RBM23: variants seen among roughly 807,000 people sequenced by gnomAD.
RBM23 encodes the protein RNA binding motif protein 23, also known as probable RNA-binding protein 23.
In RBM23, 53 loss-of-function variants were observed where a neutral mutation model predicts 56.2. The observed-to-expected ratio is 0.94, with a 90% confidence interval of 0.76 to 1.19. RBM23 has a LOEUF of 1.19. RBM23 is among the 50% of genes most tolerant of loss of function. RBM23 has a pLI of 0.00. For synonymous variants in RBM23, 197 were observed against 198.5 expected, an observed-to-expected ratio of 0.99 and a Z score of 0.06; for missense variants, 642 against 590.3, an observed-to-expected ratio of 1.09 and a Z score of -0.91.
intron 1 of RBM23, chr14:22,917,911 G>A (rs2043840436): frequency 6.6e-6 from 1 of 152,272 alleles, no homozygotes; most frequent in African/African-American, 2.4e-5. Context: ...GAGAACCACT[G>A]TCAGACCAAT....
At chr14:22,911,853 G>A in intron 1 of RBM23, 1 of 153,596 alleles carries the variant, frequency 6.5e-6, no homozygotes, top group Non-Finnish European at 1.5e-5. Context: ...GGAGGTTGCA[G>A]TGAGCCAAGA....
chr14:22,901,309 A>G lies in RBM23; in HGVS notation c.*421T>C, dbSNP rs577104837. ...CCCACAAACTCAGTCCTCTTGATTC[A>G]GAGGTCCTAAGGGTTTTCCTTGACA... On this transcript the variant is annotated 3_prime_UTR_variant, in exon 14 of 14. Transcript: ENST00000359890. 33 of 192,914 alleles carry G rather than the reference A, an allele frequency of 1.7e-4. No individual in the cohort carries two copies. The highest frequency in any genetic ancestry group is 3.1e-4 in the Non-Finnish European group (29 of 93,670). 12.0% of individuals were successfully genotyped at this position (192,914 alleles called of 1,614,324 possible).
At chr14:22,904,790 C>A in intron 9 of RBM23, 85 bp downstream of exon 9, 1 of 1,573,276 alleles carries the variant, frequency 6.4e-7, no homozygotes, top group African/African-American at 1.4e-5. Context: ...TAATCACGGC[C>A]AGGCACAACA....
intron 10 of RBM23, chr14:22,903,554 G>C: frequency 1.0e-6 from 1 of 986,954 alleles, no homozygotes; most frequent in Non-Finnish European, 1.2e-6. Context: ...ATATTTTTGA[G>C]GTGAGCAATT....
intron 1 of RBM23, among the ~76,000 whole-genome samples, chr14:22,912,289 C>T (rs1010667963): frequency 1.3e-5 from 2 of 152,178 alleles, no homozygotes; most frequent in East Asian, 1.9e-4. Context: ...TTTGCCCTAA[C>T]GTCTTCCTCT....
At position 22,896,664 on chromosome 14, in the gene RBM23, G is replaced by A. The variant is rs1182793046; in HGVS notation, c.*5066C>T. On this transcript the variant is annotated 3_prime_UTR_variant, in exon 14 of 14. Coordinates refer to ENST00000359890, the MANE Select transcript of RBM23 (RefSeq NM_001077351.2). The stretch of plus-strand genomic sequence containing the variant: ...CAGCCAACTCCTTAAGGGCTCTTGA[G>A]AGCAGATCATCTGAACAACTAATAG... The A allele has an allele frequency of 6.6e-6, 1 of 152,160 alleles. No individual in the cohort carries two copies. Among genetic ancestry groups the A allele is most frequent in the Non-Finnish European group, 1.5e-5 (1 of 68,036 alleles). The allele number at this position is 152,160 out of a possible 1,614,324, so 9.4% of individuals were successfully genotyped here. A position where few individuals can be genotyped will look rare whatever the true frequency, so the allele number is the denominator to read the frequency against.
In RBM23 at chr14:22,905,074, C is replaced by G; in HGVS notation, c.726+20G>C. The stretch of plus-strand genomic sequence containing the variant: ...TCCCTCTCCCCTTAAAATCTTATGT[C>G]TGTTTCTCAGCCTGCTCACCTGTGA... On this transcript the variant is annotated intron_variant, in intron 8 of 13. Transcript: ENST00000359890. The G allele has an allele frequency of 6.2e-7, 1 of 1,613,960 alleles. No individual in the cohort carries two copies. Among genetic ancestry groups the G allele is most frequent in the Non-Finnish European group, 8.5e-7 (1 of 1,179,860 alleles).
chr14:22,918,105 G>C (rs1409835348), intron 1 of RBM23, among the ~76,000 whole-genome samples: 2 of 152,108 alleles, frequency 1.3e-5, no homozygotes, highest in African/African-American at 4.8e-5. Flanking sequence ...TTAAAAAATG[G>C]TCCTATAGGC....
In RBM23 at chr14:22,906,296, G is replaced by C. The variant is rs1183778806; in HGVS notation, c.300C>G (p.His100Gln). ...RSRSPGRQCR[H>Q]RSRSWDRRHG... Reference sequence around the variant, plus strand: ...GTCGACGATCCCAGCTACGGCTACGGTGACGACACTGCCGACCTGGACTTC... The same window carrying C: ...GTCGACGATCCCAGCTACGGCTACGCTGACGACACTGCCGACCTGGACTTC... The change falls in exon 5 of 14, where the codon CAC (histidine) becomes CAG (glutamine). Residue 100 changes from histidine to glutamine, a missense_variant. His to Gln is a conservative substitution (Grantham distance 24, BLOSUM62 0). Coordinates refer to ENST00000359890, the MANE Select transcript of RBM23 (RefSeq NM_001077351.2). 1 of 1,614,214 alleles carries C rather than the reference G, an allele frequency of 6.2e-7. No individual in the cohort carries two copies. Among genetic ancestry groups the C allele is most frequent in the Non-Finnish European group, 8.5e-7 (1 of 1,180,040 alleles).
chr14:22,907,913 C>A lies in RBM23; in HGVS notation c.227+420G>T, dbSNP rs554186242. On this transcript the variant is annotated intron_variant, in intron 4 of 13. Coordinates refer to ENST00000359890, the MANE Select transcript of RBM23 (RefSeq NM_001077351.2). ...ACAATAATGTTTAAAAAGTAAAAGA[C>A]AAAAAAATTTAAAAATAGAAAAAAG... 2.0e-5 allele frequency among the ~76,000 whole-genome samples: 3 copies of A among 151,460 alleles called. No homozygotes were observed. In the East Asian group the frequency reaches 5.8e-4, roughly 29 times the overall value.
At chr14:22,910,479 A>G (rs1197829642) in intron 2 of RBM23, among the ~76,000 whole-genome samples, 2 of 139,198 alleles carry the variant, frequency 1.4e-5, no homozygotes, top group African/African-American at 2.6e-5. Context: ...AAAAAAAGAA[A>G]GGAAAAAAGA....
At chr14:22,909,188 C>A (rs1259083046) in intron 3 of RBM23, among the ~76,000 whole-genome samples, 1 of 152,112 alleles carries the variant, frequency 6.6e-6, no homozygotes, top group Non-Finnish European at 1.5e-5. Flanking sequence ...GGTGATCCAC[C>A]CACCTCGGCC....
At chr14:22,908,015 T>C (rs1168600071) in intron 4 of RBM23, among the ~76,000 whole-genome samples, 1 of 152,126 alleles carries the variant, frequency 6.6e-6, no homozygotes, top group African/African-American at 2.4e-5. Context: ...GTTTCAATTT[T>C]TTATTTTTAT....
At position 22,898,029 on chromosome 14, in the gene RBM23, G is replaced by C. The variant is rs1219877624; in HGVS notation, c.*3701C>G. Reference sequence around the variant, plus strand: ...TCACCTTTCAGAGTCTCTTTTCACTGTCCAAGTGTTGCTGCCTGATTTTCA... The same window carrying C: ...TCACCTTTCAGAGTCTCTTTTCACTCTCCAAGTGTTGCTGCCTGATTTTCA... On this transcript the variant is annotated 3_prime_UTR_variant, in exon 14 of 14. Coordinates refer to ENST00000359890, the MANE Select transcript of RBM23 (RefSeq NM_001077351.2). 6.6e-6 allele frequency: 1 copy of C among 152,202 alleles called. No individual in the cohort carries two copies. Among genetic ancestry groups the C allele is most frequent in the Non-Finnish European group, 1.5e-5 (1 of 68,044 alleles). The allele number at this position is 152,202 out of a possible 1,614,324, so 9.4% of individuals were successfully genotyped here.
In RBM23 at chr14:22,901,697, A is replaced by G. The variant is rs756965431; in HGVS notation, c.*33T>C. ...GTAGATGTGAAGTGGCAGGATCCAG[A>G]GGCACAAGGAGGCAGTATACTGTGC... On this transcript the variant is annotated 3_prime_UTR_variant, in exon 14 of 14. Coordinates refer to ENST00000359890, the MANE Select transcript of RBM23 (RefSeq NM_001077351.2). The G allele has an allele frequency of 1.9e-6, 3 of 1,608,488 alleles. No homozygotes were observed. Among genetic ancestry groups the G allele is most frequent in the Admixed American group, 3.3e-5 (2 of 59,986 alleles).
In RBM23 at chr14:22,902,265, T is replaced by C. The variant is rs760928699; in HGVS notation, c.1048A>G (p.Thr350Ala). 16 of 1,614,168 alleles carry C rather than the reference T, an allele frequency of 9.9e-6. No homozygotes were observed. The highest frequency in any genetic ancestry group is 1.4e-5 in the Non-Finnish European group (16 of 1,180,026). Residue 350 changes from threonine to alanine, a missense_variant, in exon 11 of 14, where the codon ACT becomes GCT. Coordinates refer to ENST00000359890, the MANE Select transcript of RBM23 (RefSeq NM_001077351.2). ...AGCTCCTGGTCCCCATCAGGAAAAGTGATGTCTGTGCCACCATCCAGTCGC... is the reference window on the plus strand; with the variant it reads ...AGCTCCTGGTCCCCATCAGGAAAAGCGATGTCTGTGCCACCATCCAGTCGC... ...TERLDGGTDITFPDGDQELDL... is the reference protein window; with the variant it reads ...TERLDGGTDIAFPDGDQELDL...
Position 22,904,331 on chromosome 14 carries a change from A to T in RBM23, c.865-5T>A. The T allele has an allele frequency of 6.2e-7, 1 of 1,601,552 alleles. No individual in the cohort carries two copies. The highest frequency in any genetic ancestry group is 8.6e-7 in the Non-Finnish European group (1 of 1,169,306). On this transcript the variant is annotated splice_polypyrimidine_tract_variant and splice_region_variant and intron_variant, in intron 9 of 13. Transcript: ENST00000359890. The stretch of plus-strand genomic sequence containing the variant: ...CATCAGGACAATATTATCAATCTGT[A>T]GAAGAGTGAGAAATTATCAGTAAAC...
rs750060627 is a variant in RBM23, at chr14:22,904,258, C to G, written c.930+3G>C. 1.2e-6 allele frequency: 2 copies of G among 1,613,938 alleles called. No homozygotes were observed. The highest frequency in any genetic ancestry group is 3.3e-5 in the Admixed American group (2 of 60,002). Reference sequence around the variant, plus strand: ...TAAAAAAATTAAAAGACTAGAGACTCACCGTGATGAAACCATAACCTTTAG... The same window carrying G: ...TAAAAAAATTAAAAGACTAGAGACTGACCGTGATGAAACCATAACCTTTAG... On this transcript the variant is annotated splice_donor_region_variant and intron_variant, in intron 10 of 13. Coordinates refer to ENST00000359890, the MANE Select transcript of RBM23 (RefSeq NM_001077351.2).
In RBM23 at chr14:22,906,240, C is replaced by A; in HGVS notation, c.356G>T (p.Arg119Leu). ...HGSESRSRDH[R>L]REDRVHYRSP... ...CCTGTAATGCACACGATCCTCACGA[C>A]GATGGTCCCGACTTCGCGACTCACT... is the stretch of plus-strand genomic sequence containing the variant. Residue 119 changes from arginine (R) to leucine (L), a missense_variant, in exon 5 of 14, where the codon CGT becomes CTT. Arg to Leu is a moderately radical substitution (Grantham distance 102, BLOSUM62 -2). Coordinates refer to ENST00000359890, the MANE Select transcript of RBM23 (RefSeq NM_001077351.2). 4 of 1,614,250 alleles carry A rather than the reference C, an allele frequency of 2.5e-6. No individual in the cohort carries two copies. The highest frequency in any genetic ancestry group is 3.4e-6 in the Non-Finnish European group (4 of 1,180,040).
Sources: gnomAD v4.1 joint callset for allele counts (sites outside exome capture counted in the v4.1 genomes callset) on GRCh38, gnomAD v4.1.1 for gene constraint, MANE v1.5 for transcripts, NCBI Gene and HGNC (gene_info 2026-07-23, HGNC 2026-07-21) for gene names.